Variants in SCLT1 observed in about 807,000 individuals in gnomAD.
SCLT1 encodes the protein sodium channel and clathrin linker 1.
In SCLT1, 78 loss-of-function variants were observed where a neutral mutation model predicts 112.8. That is an observed-to-expected ratio of 0.69 (90% CI 0.58 to 0.83). SCLT1 has a LOEUF of 0.83. Among genes scored for constraint, SCLT1 ranks in the 40% least tolerant of loss-of-function variants. The probability of loss-of-function intolerance (pLI) is 0.00; values close to 1 mark genes in which losing one functional copy is unlikely to be tolerated. For missense variants in SCLT1, 747 were observed against 770.4 expected (o/e 0.97, Z 0.36); for synonymous variants, 257 against 254.7 (o/e 1.01, Z -0.09).
intron 18 of SCLT1, among the ~76,000 whole-genome samples, chr4:128,925,229 T>A (rs151134507): frequency 6.6e-6 from 1 of 152,292 alleles, no homozygotes; most frequent in African/African-American, 2.4e-5. Flanking sequence ...CCTCAAAAAC[T>A]GTGAGAAAAT....
intron 1 of SCLT1, 139 bp downstream of exon 1, chr4:129,092,931 G>A: frequency 3.3e-6 from 2 of 604,688 alleles, no homozygotes; most frequent in East Asian, 3.0e-5. Flanking sequence ...TAACATCAAG[G>A]TTTTTTTTTT....
intron 11 of SCLT1, among the ~76,000 whole-genome samples, chr4:128,962,942 T>A (rs928080689): frequency 1.3e-5 from 2 of 152,192 alleles, no homozygotes; most frequent in Non-Finnish European, 2.9e-5. Context: ...TATGGTAACT[T>A]AGCTTTTAAA....
chr4:128,888,564 GA>G (rs1346090155), intron 20 of SCLT1, 114 bp downstream of exon 20: 7 of 570,458 alleles, frequency 1.2e-5, no homozygotes, highest in Non-Finnish European at 2.1e-5. Flanking sequence ...ATATTAAAGG[GA>G]TTAATTTTAA....
chr4:128,957,702 A>G (rs149210951), intron 12 of SCLT1, among the ~76,000 whole-genome samples: 17 of 152,160 alleles, frequency 1.1e-4, no homozygotes, highest in African/African-American at 3.9e-4. Context: ...GTTCATCTCC[A>G]AGACTTTTCC....
intron 8 of SCLT1, among the ~76,000 whole-genome samples, chr4:128,994,037 C>T (rs541492046): frequency 6.6e-6 from 1 of 152,168 alleles, no homozygotes; most frequent in African/African-American, 2.4e-5. Flanking sequence ...AGTAAGAATA[C>T]TTACATGAGT....
chr4:129,056,751 T>A (rs7654405), intron 2 of SCLT1, among the ~76,000 whole-genome samples: 81,348 of 151,996 alleles, frequency 0.54, 24,614 homozygotes, highest in South Asian at 0.68. Flanking sequence ...TTTTACATGT[T>A]CCTATATATA....
At chr4:129,090,822 A>C (rs2125789253) in intron 1 of SCLT1, among the ~76,000 whole-genome samples, 1 of 152,300 alleles carries the variant, frequency 6.6e-6, no homozygotes, top group African/African-American at 2.4e-5. Context: ...AATATGCTAC[A>C]AGCTTACTCT....
At chr4:128,916,080 G>T (rs1480347812) in intron 18 of SCLT1, among the ~76,000 whole-genome samples, 1 of 152,204 alleles carries the variant, frequency 6.6e-6, no homozygotes, top group Non-Finnish European at 1.5e-5. Context: ...GGATCCATTT[G>T]TATACATCTG....
intron 18 of SCLT1, among the ~76,000 whole-genome samples, chr4:128,900,962 A>G (rs1171683833): frequency 9.2e-5 from 14 of 152,094 alleles, no homozygotes; most frequent in Admixed American, 9.2e-4. Flanking sequence ...TGCAAATCAA[A>G]ACCACAATGA....
intron 9 of SCLT1, among the ~76,000 whole-genome samples, chr4:128,979,199 C>G (rs545019737): frequency 5.3e-5 from 8 of 152,150 alleles, no homozygotes. Context: ...GTTAAACAAC[C>G]TACCCAAGTC....
intron 1 of SCLT1, among the ~76,000 whole-genome samples, chr4:129,086,883 T>C (rs1293098671): frequency 6.6e-6 from 1 of 150,626 alleles, no homozygotes; most frequent in Non-Finnish European, 1.5e-5. Context: ...TGAATAGGAC[T>C]TCTGCTTATA....
chr4:128,989,668 A>C (rs1742392249), intron 9 of SCLT1, among the ~76,000 whole-genome samples: 1 of 151,736 alleles, frequency 6.6e-6, no homozygotes, highest in Admixed American at 6.6e-5. Context: ...AAGATAAGTG[A>C]AAAAAAGTTG....
chr4:129,049,397 C>T (rs1748529557), intron 2 of SCLT1, among the ~76,000 whole-genome samples: 1 of 147,004 alleles, frequency 6.8e-6, no homozygotes. Context: ...CCAAACACCG[C>T]ATGTTCTCAC....
At chr4:128,939,201 T>C (rs1222437909) in intron 17 of SCLT1, among the ~76,000 whole-genome samples, 3 of 152,222 alleles carry the variant, frequency 2.0e-5, no homozygotes, top group Non-Finnish European at 4.4e-5. Context: ...CTTTCTTTTA[T>C]TTCCACTATA....
intron 10 of SCLT1, 23 bp downstream of exon 10, chr4:128,970,355 T>C: frequency 7.6e-7 from 1 of 1,317,658 alleles, no homozygotes; most frequent in Non-Finnish European, 1.1e-6. Flanking sequence ...TAGGTACCCA[T>C]TTGTCTTAGA....
intron 20 of SCLT1, among the ~76,000 whole-genome samples, chr4:128,887,285 CA>C (rs1732962021): frequency 6.6e-6 from 1 of 152,062 alleles, no homozygotes; most frequent in African/African-American, 2.4e-5. Flanking sequence ...TTCATAACTT[CA>C]TAAGACATAA....
chr4:128,947,109 T>C (rs1334704778), intron 15 of SCLT1, among the ~76,000 whole-genome samples: 1 of 152,210 alleles, frequency 6.6e-6, no homozygotes, highest in Non-Finnish European at 1.5e-5. Context: ...ACTACTGGAA[T>C]ACAGATCTAA....
chr4:129,061,605 A>G, intron 2 of SCLT1, among the ~76,000 whole-genome samples: 1 of 152,114 alleles, frequency 6.6e-6, no homozygotes, highest in South Asian at 2.1e-4. Flanking sequence ...CTGAGTGGCT[A>G]AGGTGCTGTT....
At chr4:128,927,576 G>GA (rs996939211) in intron 18 of SCLT1, among the ~76,000 whole-genome samples, 104 of 132,794 alleles carry the variant, frequency 7.8e-4, no homozygotes, top group African/African-American at 1.3e-3. Context: ...CCCTGTCTCA[G>GA]AAAAAAAAAA....
Sources: gnomAD v4.1 joint callset for allele counts (sites outside exome capture counted in the v4.1 genomes callset) on GRCh38, gnomAD v4.1.1 for gene constraint, MANE v1.5 for transcripts, NCBI Gene and HGNC (gene_info 2026-07-23, HGNC 2026-07-21) for gene names.